The following RAD18 variants were observed in gnomAD, a reference collection of about 807,000 sequenced individuals.
RAD18 encodes the protein E3 ubiquitin-protein ligase RAD18.
In RAD18, 47 loss-of-function variants were observed where a neutral mutation model predicts 60.4. The observed-to-expected ratio is 0.78, with a 90% confidence interval of 0.62 to 0.99. The LOEUF is 0.99. Among genes scored for constraint, RAD18 ranks in the 50% least tolerant of loss-of-function variants. The pLI is 0.00. For synonymous variants in RAD18, 225 were observed against 195.5 expected (o/e 1.15, Z -1.26); for missense variants, 640 against 593.3 (o/e 1.08, Z -0.82).
chr3:8,916,129 G>A (rs1940196265), intron 7 of RAD18, among the ~76,000 whole-genome samples: 1 of 152,148 alleles, frequency 6.6e-6, no homozygotes, highest in African/African-American at 2.4e-5. Context: ...CGGTTGCTGA[G>A]GGAAGTAAAC....
chr3:8,941,625 A>G lies in RAD18; in HGVS notation c.446T>C (p.Leu149Ser), dbSNP rs1371898982. ...REMSGSTSELLIKENKSKFSP... is the reference protein window; with the variant it reads ...REMSGSTSELSIKENKSKFSP... Reference sequence around the variant, plus strand: ...GAATTTGCTTTTATTTTCTTTTATCAACAACTCTGATGTAGAACCACTCAT... The same window carrying G: ...GAATTTGCTTTTATTTTCTTTTATCGACAACTCTGATGTAGAACCACTCAT... Residue 149 changes from leucine (L) to serine (S), a missense_variant, in exon 5 of 13, where the codon TTG (leucine) becomes TCG (serine). By Grantham distance (145) the Leu-to-Ser change is moderately radical. Coordinates refer to ENST00000264926, the MANE Select transcript of RAD18 (RefSeq NM_020165.4). 13 of 1,613,966 alleles carry G rather than the reference A, an allele frequency of 8.1e-6. No homozygotes were observed. Among genetic ancestry groups the G allele is most frequent in the Non-Finnish European group, 1.1e-5 (13 of 1,180,002 alleles).
rs537920361 is a variant in RAD18, at chr3:8,907,715, C to T, written c.1027+4597G>A. ...CTTCAGGGAAAGATCACCTTCTTCC[C>T]GCATCATCCCCTTTCCAACTCCCAT... On this transcript the variant is annotated intron_variant, in intron 9 of 12. Coordinates refer to ENST00000264926, the MANE Select transcript of RAD18 (RefSeq NM_020165.4). 7.2e-5 allele frequency among the ~76,000 whole-genome samples: 11 copies of T among 152,284 alleles called. No homozygotes were observed. In the East Asian group the frequency reaches 1.2e-3, roughly 16 times the overall value.
At position 8,898,879 on chromosome 3, in the gene RAD18, C is replaced by T; in HGVS notation, c.1322+15G>A. ...AGTAGATATTTAAAATAATCAACTACTGCATGTTTCTTACCTATTGCATGA... is the reference window on the plus strand; with the variant it reads ...AGTAGATATTTAAAATAATCAACTATTGCATGTTTCTTACCTATTGCATGA... On this transcript the variant is annotated intron_variant, in intron 11 of 12. Transcript: ENST00000264926. 1 of 1,537,472 alleles carries T rather than the reference C, an allele frequency of 6.5e-7. No homozygotes were observed. The highest frequency in any genetic ancestry group is 1.2e-5 in the South Asian group (1 of 81,376).
At position 8,878,709 on chromosome 3, in the gene RAD18, C is replaced by T. The variant is rs528936305; in HGVS notation, c.*2648G>A. On this transcript the variant is annotated 3_prime_UTR_variant, in exon 13 of 13. Coordinates refer to ENST00000264926, the MANE Select transcript of RAD18 (RefSeq NM_020165.4). ...TCAACATGAGGTCGAAAAAGAAAGA[C>T]GAGAGTAGAGGATGAAAGGACGGCC... 5 of 152,234 alleles carry T rather than the reference C, an allele frequency of 3.3e-5. No homozygotes were observed. In the East Asian group the frequency reaches 7.7e-4, roughly 24 times the overall value. 9.4% of individuals were successfully genotyped at this position (152,234 alleles called of 1,614,324 possible). A position where few individuals can be genotyped will look rare whatever the true frequency, so the allele number is the denominator to read the frequency against.
At chr3:8,934,340 T>C (rs1940614560) in intron 7 of RAD18, among the ~76,000 whole-genome samples, 1 of 152,168 alleles carries the variant, frequency 6.6e-6, no homozygotes, top group Non-Finnish European at 1.5e-5. Flanking sequence ...AAATTAGAAA[T>C]GTACATACAT....
chr3:8,921,103 A>C (rs12636873), intron 7 of RAD18, among the ~76,000 whole-genome samples: 1 of 152,154 alleles, frequency 6.6e-6, no homozygotes, highest in Non-Finnish European at 1.5e-5. Context: ...ATATGTGTGT[A>C]ATTATATGGA....
At chr3:8,915,585 CTTTT>C (rs749576578) in intron 7 of RAD18, among the ~76,000 whole-genome samples, 1 of 139,892 alleles carries the variant, frequency 7.1e-6, no homozygotes. Flanking sequence ...GGCTATTTTC[CTTTT>C]TTTTTTTTTT....
At chr3:8,959,378 T>C (rs1360713941) in intron 1 of RAD18, among the ~76,000 whole-genome samples, 1 of 152,234 alleles carries the variant, frequency 6.6e-6, no homozygotes, top group East Asian at 1.9e-4. Flanking sequence ...ATAGTCACTA[T>C]TGGGTGAAAG....
chr3:8,882,249 C>T (rs1939477750), intron 12 of RAD18, among the ~76,000 whole-genome samples: 1 of 152,202 alleles, frequency 6.6e-6, no homozygotes. Flanking sequence ...AGACCTATGG[C>T]CTCTGGGGAA....
At chr3:8,888,475 A>G (rs1279816378) in intron 12 of RAD18, among the ~76,000 whole-genome samples, 3 of 152,244 alleles carry the variant, frequency 2.0e-5, no homozygotes, top group Non-Finnish European at 4.4e-5. Flanking sequence ...AACATCTCAA[A>G]TATGCCACTT....
intron 12 of RAD18, among the ~76,000 whole-genome samples, chr3:8,888,602 C>T (rs541197392): frequency 2.0e-5 from 3 of 152,346 alleles, no homozygotes; most frequent in Non-Finnish European, 4.4e-5. Flanking sequence ...AACTACATCA[C>T]AGCAGAAGTT....
intron 9 of RAD18, among the ~76,000 whole-genome samples, chr3:8,911,297 C>T (rs1940100360): frequency 6.6e-6 from 1 of 152,140 alleles, no homozygotes; most frequent in Non-Finnish European, 1.5e-5. Context: ...AGATACCACC[C>T]TTTCAGTTAT....
chr3:8,930,576 CAA>C (rs1940535977), intron 7 of RAD18, among the ~76,000 whole-genome samples: 1 of 151,960 alleles, frequency 6.6e-6, no homozygotes, highest in South Asian at 2.1e-4. Context: ...AATTATATTT[CAA>C]TAAACTGATT....
chr3:8,902,413 C>T lies in RAD18; in HGVS notation c.1135G>A (p.Glu379Lys). The T allele has an allele frequency of 6.2e-7, 1 of 1,608,462 alleles. No homozygotes were observed. The highest frequency in any genetic ancestry group is 2.2e-5 in the East Asian group (1 of 44,510). ...ACAGAAGATAGCTTTTCTGTAGATT[C>T]ATCTTCTTTTGTTATTGTTACTGTT... is the stretch of plus-strand genomic sequence containing the variant. ...QKTVTITKED[E>K]STEKLSSVCM... The change falls in exon 10 of 13, where the codon GAA becomes AAA. Residue 379 changes from glutamate to lysine, a missense_variant. Transcript: ENST00000264926.
chr3:8,921,890 TAG>T (rs1940327388), intron 7 of RAD18, among the ~76,000 whole-genome samples: 1 of 152,214 alleles, frequency 6.6e-6, no homozygotes. Context: ...CAAGGTATTA[TAG>T]AGTGTTTAAA....
chr3:8,907,754 T>C (rs775345505), intron 9 of RAD18, among the ~76,000 whole-genome samples: 36 of 150,188 alleles, frequency 2.4e-4, no homozygotes, highest in Middle Eastern at 6.8e-3. Flanking sequence ...CTGCCAGCCA[T>C]CACCCAATAA....
At chr3:8,906,356 C>G (rs573027599) in intron 9 of RAD18, among the ~76,000 whole-genome samples, 2 of 152,180 alleles carry the variant, frequency 1.3e-5, no homozygotes, top group East Asian at 3.9e-4. Flanking sequence ...CCCAACACCC[C>G]CCTCCAGCTA....
chr3:8,922,115 GGAGT>G (rs1262779935), intron 7 of RAD18, among the ~76,000 whole-genome samples: 2 of 152,176 alleles, frequency 1.3e-5, no homozygotes, highest in Non-Finnish European at 2.9e-5. Flanking sequence ...CGGTGCACCG[GGAGT>G]GAGCTGAAGC....
chr3:8,892,251 C>G (rs1427990879), intron 11 of RAD18, among the ~76,000 whole-genome samples: 1 of 152,140 alleles, frequency 6.6e-6, no homozygotes, highest in Non-Finnish European at 1.5e-5. Flanking sequence ...TTGAAACATT[C>G]TGGAAGACCA....
Sources: allele counts gnomAD v4.1 joint callset (sites outside exome capture counted in the v4.1 genomes callset), GRCh38; gene constraint gnomAD v4.1.1; transcripts MANE v1.5; gene names NCBI Gene and HGNC (gene_info 2026-07-23, HGNC 2026-07-21).